The following PRKG1 variants were observed in gnomAD, a reference collection of about 807,000 sequenced individuals.
PRKG1 encodes protein kinase cGMP-dependent 1, also known as cGMP-dependent protein kinase 1.
In PRKG1, 35 loss-of-function variants were observed where a neutral mutation model predicts 88.1. The ratio of observed to expected loss-of-function variants is 0.40; its 90% CI spans 0.30 to 0.53. The LOEUF is 0.53. Among genes scored for constraint, PRKG1 ranks in the 20% least tolerant of loss-of-function variants. The pLI, the probability that PRKG1 is intolerant of heterozygous loss-of-function variation, is 0.59. For missense variants in PRKG1, 540 were observed against 839.8 expected, an observed-to-expected ratio of 0.64 and a Z score of 4.41; for synonymous variants, 303 against 292.5, an observed-to-expected ratio of 1.04 and a Z score of -0.37.
intron 3 of PRKG1, among the ~76,000 whole-genome samples, chr10:51,537,493 G>A (rs1041322416): frequency 6.6e-6 from 1 of 151,968 alleles, no homozygotes; most frequent in South Asian, 2.1e-4. Context: ...AGCATTTTGG[G>A]AGGCCAAGGC....
At chr10:51,949,394 C>T (rs1176946056) in intron 5 of PRKG1, among the ~76,000 whole-genome samples, 1 of 151,970 alleles carries the variant, frequency 6.6e-6, no homozygotes, top group Non-Finnish European at 1.5e-5. Context: ...AGGAGGATCA[C>T]TTGAGACCAG....
chr10:52,207,601 A>G (rs72787311), intron 9 of PRKG1, among the ~76,000 whole-genome samples: 2,942 of 152,246 alleles, frequency 0.019, 37 homozygotes, highest in Non-Finnish European at 0.03. Flanking sequence ...TTGAAGCTCC[A>G]CATAGGCTGA....
intron 1 of PRKG1, among the ~76,000 whole-genome samples, chr10:51,136,998 C>T (rs1305570824): frequency 1.3e-5 from 2 of 152,076 alleles, no homozygotes; most frequent in African/African-American, 4.8e-5. Flanking sequence ...CATTCTCCTG[C>T]CTCAGCCTAC....
chr10:52,203,933 T>C (rs1839742535), intron 9 of PRKG1, among the ~76,000 whole-genome samples: 1 of 152,260 alleles, frequency 6.6e-6, no homozygotes, highest in African/African-American at 2.4e-5. Flanking sequence ...GATGGGTCAC[T>C]TGAAGACAGC....
At chr10:51,308,106 T>G (rs1262867837) in intron 2 of PRKG1, among the ~76,000 whole-genome samples, 1 of 152,210 alleles carries the variant, frequency 6.6e-6, no homozygotes, top group Non-Finnish European at 1.5e-5. Flanking sequence ...TGCTAACTTA[T>G]CCCATGGAGC....
chr10:52,244,931 T>C lies in PRKG1; in HGVS notation c.1077-6639T>C, dbSNP rs1243592854. On this transcript the variant is annotated intron_variant, in intron 9 of 17. Transcript: ENST00000373980. Reference sequence around the variant, plus strand: ...TTTAAAATATATATATATTTAAATATACTTTAAATATATATTTAAAATATA... The same window carrying C: ...TTTAAAATATATATATATTTAAATACACTTTAAATATATATTTAAAATATA... 2.1e-5 allele frequency among the ~76,000 whole-genome samples: 3 copies of C among 144,566 alleles called. No individual in the cohort carries two copies. The Admixed American group carries it at 2.1e-4, about 10-fold the overall frequency. The allele number at this position is 144,566 out of a possible 152,430, so 94.8% of individuals were successfully genotyped here. A position where few individuals can be genotyped will look rare whatever the true frequency, so the allele number is the denominator to read the frequency against.
intron 2 of PRKG1, among the ~76,000 whole-genome samples, chr10:51,293,570 C>T (rs112641212): frequency 1.3e-5 from 2 of 152,098 alleles, no homozygotes; most frequent in African/African-American, 4.8e-5. Context: ...TTTTTTAAGG[C>T]TGAATAGTAT....
chr10:51,770,571 C>T (rs916713671), intron 3 of PRKG1, among the ~76,000 whole-genome samples: 5 of 152,126 alleles, frequency 3.3e-5, no homozygotes, highest in African/African-American at 4.8e-5. Context: ...TGAGGGGGTG[C>T]GGATGAGTGA....
At chr10:51,222,774 A>G (rs1324142705) in intron 2 of PRKG1, among the ~76,000 whole-genome samples, 1 of 152,106 alleles carries the variant, frequency 6.6e-6, no homozygotes, top group African/African-American at 2.4e-5. Flanking sequence ...TGACGGTAGG[A>G]ATTACGGTAT....
At chr10:51,813,216 A>C (rs1314560577) in intron 4 of PRKG1, among the ~76,000 whole-genome samples, 1 of 152,238 alleles carries the variant, frequency 6.6e-6, no homozygotes, top group Non-Finnish European at 1.5e-5. Flanking sequence ...ATTAGCAAAA[A>C]AGCATAAAGT....
intron 3 of PRKG1, among the ~76,000 whole-genome samples, chr10:51,669,033 C>T (rs998706332): frequency 5.9e-5 from 9 of 152,154 alleles, no homozygotes; most frequent in Admixed American, 2.0e-4. Context: ...GAGCTGTTCA[C>T]GCTAATTCGC....
chr10:51,711,728 T>C (rs1009494699), intron 3 of PRKG1, among the ~76,000 whole-genome samples: 3 of 152,166 alleles, frequency 2.0e-5, no homozygotes, highest in East Asian at 3.9e-4. Context: ...CTGTCAGTGA[T>C]TGTGGGTGGT....
intron 2 of PRKG1, among the ~76,000 whole-genome samples, chr10:51,434,051 C>A (rs1838850701): frequency 6.6e-6 from 1 of 152,130 alleles, no homozygotes; most frequent in African/African-American, 2.4e-5. Context: ...TTTTCTGACA[C>A]CAAGTCCAGA....
chr10:52,063,986 C>T (rs1021809020), intron 7 of PRKG1, among the ~76,000 whole-genome samples: 3 of 152,186 alleles, frequency 2.0e-5, no homozygotes, highest in Non-Finnish European at 4.4e-5. Context: ...TGGCAATAGG[C>T]AGGTCCAGAA....
chr10:52,249,697 C>T (rs1229733597), intron 9 of PRKG1, among the ~76,000 whole-genome samples: 2 of 152,050 alleles, frequency 1.3e-5, no homozygotes, highest in Non-Finnish European at 1.5e-5. Flanking sequence ...GTGACGCACA[C>T]GTGTAATCCC....
chr10:51,713,819 T>C (rs1257004854), intron 3 of PRKG1, among the ~76,000 whole-genome samples: 2 of 152,188 alleles, frequency 1.3e-5, no homozygotes, highest in Non-Finnish European at 2.9e-5. Flanking sequence ...TAGTATTGGG[T>C]CAGACAGGGC....
chr10:51,122,710 A>T (rs1053831200), intron 1 of PRKG1, among the ~76,000 whole-genome samples: 3 of 152,182 alleles, frequency 2.0e-5, no homozygotes, highest in Non-Finnish European at 2.9e-5. Flanking sequence ...GCTGGAACTC[A>T]GGTTATCACA....
intron 2 of PRKG1, among the ~76,000 whole-genome samples, chr10:51,355,738 G>C (rs968541676): frequency 1.3e-5 from 2 of 151,882 alleles, no homozygotes; most frequent in African/African-American, 4.8e-5. Context: ...GTTTATAAAG[G>C]CTATTTAATT....
intron 2 of PRKG1, among the ~76,000 whole-genome samples, chr10:51,246,622 AAAAC>A (rs1257425416): frequency 2.0e-5 from 3 of 152,074 alleles, no homozygotes; most frequent in African/African-American, 4.8e-5. Context: ...AGAAAAAAAA[AAAAC>A]AATGAGGTGA....
Sources: allele counts gnomAD v4.1 joint callset (sites outside exome capture counted in the v4.1 genomes callset), GRCh38; gene constraint gnomAD v4.1.1; transcripts MANE v1.5; gene names NCBI Gene and HGNC (gene_info 2026-07-23, HGNC 2026-07-21).